The following PVT1 variants were observed in gnomAD, a reference collection of about 807,000 sequenced individuals.
The protein encoded by PVT1 is Pvt1 oncogene.
chr8:127,997,484 G>A (rs530995092), intron 4 of PVT1, among the ~76,000 whole-genome samples: 3 of 152,276 alleles, frequency 2.0e-5, no homozygotes, highest in South Asian at 2.1e-4. Context: ...AGTTTAATGG[G>A]AGCAGGGTAA....
chr8:127,895,839 C>T (rs1201085433), intron 3 of PVT1, among the ~76,000 whole-genome samples: 1 of 152,200 alleles, frequency 6.6e-6, no homozygotes, highest in Non-Finnish European at 1.5e-5. Context: ...CCACACAGCT[C>T]TGTACTGCTT....
At chr8:128,050,380 G>A (rs1269809260) in intron 4 of PVT1, among the ~76,000 whole-genome samples, 10 of 152,202 alleles carry the variant, frequency 6.6e-5, no homozygotes, top group African/African-American at 2.2e-4. Context: ...GTCACCCACA[G>A]GCTTGAAGTC....
At chr8:127,936,862 G>A (rs1483056603) in intron 3 of PVT1, among the ~76,000 whole-genome samples, 1 of 152,252 alleles carries the variant, frequency 6.6e-6, no homozygotes, top group African/African-American at 2.4e-5. Context: ...CTGTGCCACA[G>A]AATAACCTCT....
At chr8:127,916,111 ATGAGTGCCT>A (rs2129856277) in intron 3 of PVT1, among the ~76,000 whole-genome samples, 1 of 152,356 alleles carries the variant, frequency 6.6e-6, no homozygotes, top group East Asian at 1.9e-4. Context: ...GTGGTCATGG[ATGAGTGCCT>A]TCAACCCTCA....
At chr8:127,877,146 C>G (rs1720169599) in intron 2 of PVT1, among the ~76,000 whole-genome samples, 1 of 152,186 alleles carries the variant, frequency 6.6e-6, no homozygotes. Flanking sequence ...GCGCCTGAGA[C>G]AGCGGGAGCT....
chr8:127,858,200 G>T (rs1299555904), intron 2 of PVT1, among the ~76,000 whole-genome samples: 1 of 152,110 alleles, frequency 6.6e-6, no homozygotes, highest in African/African-American at 2.4e-5. Flanking sequence ...AGACCAGCCG[G>T]TCCAACATGG....
intron 3 of PVT1, among the ~76,000 whole-genome samples, chr8:127,923,930 CAG>C (rs1342931741): frequency 2.0e-5 from 3 of 152,240 alleles, no homozygotes; most frequent in Admixed American, 6.5e-5. Context: ...ATTAAACAAA[CAG>C]TGACGGCTTT....
intron 4 of PVT1, among the ~76,000 whole-genome samples, chr8:128,024,058 A>G (rs1268470856): frequency 3.3e-5 from 5 of 152,230 alleles, no homozygotes; most frequent in African/African-American, 9.6e-5. Flanking sequence ...GTAACAGCTC[A>G]AACTTCTAGA....
intron 2 of PVT1, among the ~76,000 whole-genome samples, chr8:127,871,263 A>G (rs1815348868): frequency 6.6e-6 from 1 of 152,266 alleles, no homozygotes; most frequent in Non-Finnish European, 1.5e-5. Flanking sequence ...GCCTGGAGTT[A>G]GCACATACAA....
intron 5 of PVT1, among the ~76,000 whole-genome samples, chr8:128,093,674 G>C (rs772601231): frequency 9.9e-5 from 15 of 151,828 alleles, no homozygotes; most frequent in Non-Finnish European, 1.9e-4. Flanking sequence ...GTCTAGCTCT[G>C]TCACCCAGGC....
intron 2 of PVT1, among the ~76,000 whole-genome samples, chr8:127,861,220 T>C (rs1319341387): frequency 6.6e-6 from 1 of 152,206 alleles, no homozygotes; most frequent in Admixed American, 6.5e-5. Context: ...ACTATCCTTT[T>C]TTATTGAGAC....
chr8:127,961,474 G>T (rs1239344850), intron 3 of PVT1, among the ~76,000 whole-genome samples: 2 of 152,244 alleles, frequency 1.3e-5, no homozygotes, highest in East Asian at 3.8e-4. Context: ...ACTAGGAAAT[G>T]CGGAGGTGAT....
intron 2 of PVT1, among the ~76,000 whole-genome samples, chr8:127,833,270 C>T (rs551263126): frequency 1.3e-5 from 2 of 152,254 alleles, no homozygotes; most frequent in South Asian, 2.1e-4. Flanking sequence ...CTACCTCCTG[C>T]CCTGCCCTGG....
At position 127,883,786 on chromosome 8, in the gene PVT1, G is replaced by A. The variant is rs550471629; in HGVS notation, n.373-6803G>A. ...TGGGGCTGGGGCCACGTTTTCTTGT[G>A]GGGCAATTCCGTGTCACTGGGCCAG... On this transcript the variant is annotated intron_variant and non_coding_transcript_variant, in intron 2 of 10. Coordinates refer to ENST00000651587, the Ensembl canonical transcript of PVT1. 5.3e-5 allele frequency among the ~76,000 whole-genome samples: 8 copies of A among 152,310 alleles called. No individual in the cohort carries two copies. In the South Asian group the frequency reaches 1.7e-3, roughly 32 times the overall value.
intron 3 of PVT1, among the ~76,000 whole-genome samples, chr8:127,897,027 C>G (rs61029984): frequency 0.2 from 30,286 of 152,110 alleles, 3,085 homozygotes; most frequent in Middle Eastern, 0.23. Context: ...TTGCAGCCCC[C>G]TCCTCCTGGG....
At chr8:127,832,246 C>T (rs2129699696) in intron 2 of PVT1, among the ~76,000 whole-genome samples, 1 of 152,274 alleles carries the variant, frequency 6.6e-6, no homozygotes, top group East Asian at 1.9e-4. Flanking sequence ...ATCTGAATGA[C>T]ATCTCTATAT....
intron 2 of PVT1, among the ~76,000 whole-genome samples, chr8:127,866,044 G>A (rs1257039497): frequency 1.3e-5 from 2 of 152,194 alleles, no homozygotes; most frequent in African/African-American, 2.4e-5. Flanking sequence ...CTCTGACAGC[G>A]CAGCCCTGCC....
chr8:128,050,904 C>T (rs190336838), intron 4 of PVT1, among the ~76,000 whole-genome samples: 2 of 152,344 alleles, frequency 1.3e-5, no homozygotes, highest in East Asian at 3.9e-4. Flanking sequence ...GCCACAAAGT[C>T]ATCTTCCTCT....
At chr8:127,816,812 C>T (rs983462524) in intron 2 of PVT1, among the ~76,000 whole-genome samples, 3 of 152,194 alleles carry the variant, frequency 2.0e-5, no homozygotes, top group Non-Finnish European at 2.9e-5. Context: ...TGTATTGTTT[C>T]CTTTACTTCC....
Sources: allele counts gnomAD v4.1 joint callset (sites outside exome capture counted in the v4.1 genomes callset), GRCh38; gene constraint gnomAD v4.1.1; transcripts MANE v1.5; gene names NCBI Gene and HGNC (gene_info 2026-07-23, HGNC 2026-07-21).